The following BICD1 variants were observed in gnomAD, a reference collection of about 807,000 sequenced individuals.
BICD1 encodes protein bicaudal D homolog 1.
In BICD1, 35 loss-of-function variants were observed where a neutral mutation model predicts 92.5. That is an observed-to-expected ratio of 0.38 (90% CI 0.29 to 0.50). The LOEUF (loss-of-function observed/expected upper bound fraction) is 0.50. Among genes scored for constraint, BICD1 ranks in the 20% least tolerant of loss-of-function variants. BICD1 has a pLI of 0.93. For missense variants in BICD1, 950 were observed against 1,189.8 expected (o/e 0.80, Z 2.97); for synonymous variants, 429 against 465.1 (o/e 0.92, Z 1.00).
chr12:32,268,549 G>A (rs1184508268), intron 2 of BICD1, among the ~76,000 whole-genome samples: 3 of 152,128 alleles, frequency 2.0e-5, no homozygotes, highest in Non-Finnish European at 2.9e-5. Flanking sequence ...TAATCTTAGC[G>A]CTTTGGGAGG....
intron 1 of BICD1, among the ~76,000 whole-genome samples, chr12:32,167,586 G>A (rs776381700): frequency 4.6e-5 from 7 of 152,064 alleles, no homozygotes; most frequent in Non-Finnish European, 1.0e-4. Context: ...CTCCCAAGTA[G>A]TTAGGACTAC....
chr12:32,328,561 CTCA>C lies in BICD1; in HGVS notation c.2100+8_2100+10del. 6.2e-7 allele frequency: 1 copy of C among 1,606,284 alleles called. No individual in the cohort carries two copies. Among genetic ancestry groups the C allele is most frequent in the Non-Finnish European group, 8.5e-7 (1 of 1,174,878 alleles). On this transcript the variant is annotated splice_region_variant and intron_variant, in intron 5 of 9. Coordinates refer to ENST00000652176, the MANE Select transcript of BICD1 (RefSeq NM_001714.4). The surrounding 1 kb of genome is among the most constrained non-coding windows in gnomAD (Gnocchi z 4.4). ...TGTTGAAAGCCAACAAGCAGGTAAT[CTCA>C]TTCTACTGGTGAAAGCATGCCAGTC...
intron 8 of BICD1, among the ~76,000 whole-genome samples, chr12:32,346,616 G>GTATATATATA (rs1260180834): frequency 3.5e-4 from 1 of 2,878 alleles, no homozygotes; most frequent in Non-Finnish European, 1.0e-3. Context: ...ATATATACGT[G>GTATATATATA]TATATATATA....
chr12:32,128,986 G>C (rs1275788182), intron 1 of BICD1, among the ~76,000 whole-genome samples: 1 of 151,742 alleles, frequency 6.6e-6, no homozygotes, highest in Non-Finnish European at 1.5e-5. Context: ...CTGTTGCCCA[G>C]GCTGGAGTGC....
At chr12:32,211,545 G>A (rs973269613) in intron 1 of BICD1, among the ~76,000 whole-genome samples, 2 of 152,006 alleles carry the variant, frequency 1.3e-5, no homozygotes, top group Non-Finnish European at 2.9e-5. Context: ...AAGACTTTAG[G>A]GGTTGTTTTA....
chr12:32,252,034 A>ATATATATTTATAATAAATATTATATAT (rs1946545411), intron 2 of BICD1, among the ~76,000 whole-genome samples: 1 of 56,676 alleles, frequency 1.8e-5, no homozygotes, highest in African/African-American at 9.5e-5. Context: ...TATATTTATA[A>ATATATATTTATAATAAATATTATATAT]TATATATTTA....
intron 9 of BICD1, among the ~76,000 whole-genome samples, chr12:32,375,008 T>C (rs1939889022): frequency 7.6e-6 from 1 of 131,910 alleles, no homozygotes; most frequent in Admixed American, 9.1e-5. Context: ...AAGCTCCGCC[T>C]CCCGGGTTCA....
intron 1 of BICD1, among the ~76,000 whole-genome samples, chr12:32,213,259 C>T (rs1003400304): frequency 9.9e-5 from 15 of 152,102 alleles, no homozygotes; most frequent in African/African-American, 3.6e-4. Context: ...TTGAAGAGTC[C>T]CGACCAGTGA....
At position 32,106,960 on chromosome 12, in the gene BICD1, A is replaced by T. The variant is rs2121096288; in HGVS notation, c.-372A>T. The T allele has an allele frequency of 4.3e-6, 1 of 230,510 alleles. No homozygotes were observed. Among genetic ancestry groups the T allele is most frequent in the South Asian group, 6.5e-5 (1 of 15,452 alleles). 14.3% of individuals were successfully genotyped at this position (230,510 alleles called of 1,614,324 possible). A position where few individuals can be genotyped will look rare whatever the true frequency, so the allele number is the denominator to read the frequency against. ...AGACTGCAGTGACGCGGCCCGGGAG[A>T]CATGGCGGACGGGCGTCTCTGAATA... On this transcript the variant is annotated 5_prime_UTR_variant, in exon 1 of 10. Coordinates refer to ENST00000652176, the MANE Select transcript of BICD1 (RefSeq NM_001714.4).
chr12:32,305,994 C>G lies in BICD1; in HGVS notation c.877C>G (p.Leu293Val), dbSNP rs771218516. ...AATGAACGGTCATATCCATGGGCCT[C>G]TTGTGAAACTGAATGGAGACTATCG... The part of the protein sequence containing the change: ...DKMNGHIHGP[L>V]VKLNGDYRTP... The change falls in exon 4 of 10, where the codon CTT (leucine) becomes GTT (valine). Residue 293 changes from leucine to valine, a missense_variant. Coordinates refer to ENST00000652176, the MANE Select transcript of BICD1 (RefSeq NM_001714.4). The G allele has an allele frequency of 6.2e-7, 1 of 1,614,156 alleles. No individual in the cohort carries two copies. The highest frequency in any genetic ancestry group is 1.1e-5 in the South Asian group (1 of 91,080).
chr12:32,231,027 TTG>T (rs1405782321), intron 2 of BICD1, among the ~76,000 whole-genome samples: 1 of 152,210 alleles, frequency 6.6e-6, no homozygotes, highest in African/African-American at 2.4e-5. Flanking sequence ...GATATTATAT[TTG>T]TCAATGAGAA....
intron 1 of BICD1, among the ~76,000 whole-genome samples, chr12:32,196,855 T>G (rs1944741242): frequency 6.6e-6 from 1 of 152,206 alleles, no homozygotes; most frequent in South Asian, 2.1e-4. Context: ...GTACACACTG[T>G]GTATGTATAT....
At position 32,195,664 on chromosome 12, in the gene BICD1, A is replaced by G. The variant is rs73297266; in HGVS notation, c.214-20583A>G. On this transcript the variant is annotated intron_variant, in intron 1 of 9. Transcript: ENST00000652176. Reference sequence around the variant, plus strand: ...GACTTAACTGAATGTGAGATTTGAAATCGTAAAAGTCTTGGAAGAAAACAT... The same window carrying G: ...GACTTAACTGAATGTGAGATTTGAAGTCGTAAAAGTCTTGGAAGAAAACAT... 1.2e-3 allele frequency among the ~76,000 whole-genome samples: 176 copies of G among 152,346 alleles called. 1 individual carries two copies. The highest frequency in any genetic ancestry group is 4.2e-3 in the African/African-American group (175 of 41,594).
chr12:32,261,747 G>A (rs886213645), intron 2 of BICD1, among the ~76,000 whole-genome samples: 1 of 152,190 alleles, frequency 6.6e-6, no homozygotes, highest in African/African-American at 2.4e-5. Flanking sequence ...AGCAAGGCCT[G>A]GTGGAACTTG....
At chr12:32,207,812 T>G (rs1293268232) in intron 1 of BICD1, among the ~76,000 whole-genome samples, 2 of 152,244 alleles carry the variant, frequency 1.3e-5, no homozygotes, top group African/African-American at 4.8e-5. Flanking sequence ...TTGTACATTT[T>G]TAATGACTTA....
chr12:32,313,543 C>G lies in BICD1; in HGVS notation c.1005+7421C>G, dbSNP rs1288146393. Among the ~76,000 whole-genome samples the G allele has an allele frequency of 6.6e-6, 1 of 152,142 alleles. No individual in the cohort carries two copies. Among genetic ancestry groups the G allele is most frequent in the Non-Finnish European group, 1.5e-5 (1 of 68,028 alleles). On this transcript the variant is annotated intron_variant, in intron 4 of 9. Transcript: ENST00000652176. The surrounding 1 kb of genome is among the most constrained non-coding windows in gnomAD (Gnocchi z 4.2). ...GTGAAATATTATCTCTGCTTAAACA[C>G]TCACAGAATATTTATAGGATGACAT...
intron 1 of BICD1, among the ~76,000 whole-genome samples, chr12:32,145,063 T>A (rs1281384900): frequency 6.6e-6 from 1 of 152,252 alleles, no homozygotes; most frequent in Admixed American, 6.5e-5. Context: ...CATTCTTTCA[T>A]TTTTGTCAAT....
intron 1 of BICD1, among the ~76,000 whole-genome samples, chr12:32,142,591 A>G (rs1942980444): frequency 6.6e-6 from 1 of 152,280 alleles, no homozygotes; most frequent in Non-Finnish European, 1.5e-5. Context: ...AAAAAGGCAT[A>G]TTACAACAGC....
At chr12:32,156,385 A>G (rs777420682) in intron 1 of BICD1, among the ~76,000 whole-genome samples, 14 of 152,132 alleles carry the variant, frequency 9.2e-5, no homozygotes, top group Non-Finnish European at 1.8e-4. Context: ...GCATAGCTCA[A>G]TTCCAGCTCC....
Sources: gnomAD v4.1 joint callset for allele counts (sites outside exome capture counted in the v4.1 genomes callset) on GRCh38, gnomAD v4.1.1 for gene constraint, Gnocchi (gnomAD v3.1) non-coding constraint, MANE v1.5 for transcripts, NCBI Gene and HGNC (gene_info 2026-07-23, HGNC 2026-07-21) for gene names.